The following RAI14 variants were observed in gnomAD, a reference collection of about 807,000 sequenced individuals.
RAI14 encodes ankycorbin.
RAI14 carries 45 observed loss-of-function variants against 115.4 expected under a neutral mutation model. The observed-to-expected ratio is 0.39, with a 90% CI of 0.31 to 0.50. The LOEUF (loss-of-function observed/expected upper bound fraction) is 0.50. RAI14 is among the 20% of genes least tolerant of loss of function. The pLI is 0.85. For synonymous variants in RAI14, 371 were observed against 415.4 expected, an observed-to-expected ratio of 0.89 and a Z score of 1.30; for missense variants, 939 against 1,131.2, an observed-to-expected ratio of 0.83 and a Z score of 2.44.
rs1314974022 is a variant in RAI14, at chr5:34,665,141, ACAC to A, written c.-49+8667_-49+8669del. Among the ~76,000 whole-genome samples the A allele has an allele frequency of 2.3e-3, 98 of 42,900 alleles. 36 individuals are homozygous for A. The highest frequency in any genetic ancestry group is 8.8e-3 in the South Asian group (4 of 452). The allele number at this position is 42,900 out of a possible 152,430, so 28.1% of individuals were successfully genotyped here. Reference sequence around the variant, plus strand: ...TGTATATATGTATGTGTATATATATACACATATATATGTGTGTGTATATATATA... The same window carrying A: ...TGTATATATGTATGTGTATATATATAATATATATGTGTGTGTATATATATA... On this transcript the variant is annotated intron_variant, in intron 1 of 17. Transcript: ENST00000265109.
chr5:34,681,413 G>A (rs1744369599), intron 1 of RAI14, among the ~76,000 whole-genome samples: 1 of 152,142 alleles, frequency 6.6e-6, no homozygotes. Flanking sequence ...ATGTCCTGAA[G>A]TCTATTTAGG....
intron 2 of RAI14, among the ~76,000 whole-genome samples, chr5:34,730,526 A>G (rs901305868): frequency 3.9e-5 from 6 of 152,016 alleles, no homozygotes; most frequent in African/African-American, 1.4e-4. Context: ...AAATACAACA[A>G]TTAGCCAGGC....
chr5:34,746,100 C>CCCCCCCCCG (rs1746171194), intron 2 of RAI14, among the ~76,000 whole-genome samples: 1 of 124,842 alleles, frequency 8.0e-6, no homozygotes, highest in Non-Finnish European at 1.7e-5. Flanking sequence ...CTCCCCCCCC[C>CCCCCCCCCG]GCCTTTTTTT....
chr5:34,794,149 A>C (rs1272359779), intron 3 of RAI14, among the ~76,000 whole-genome samples: 1 of 152,192 alleles, frequency 6.6e-6, no homozygotes, highest in Non-Finnish European at 1.5e-5. Flanking sequence ...ATGGCCAGGC[A>C]TGGTGGCTCA....
rs538342439 is a variant in RAI14 at position 34,773,089 on chromosome 5, TA to T, written c.167+15495del. On this transcript the variant is annotated intron_variant, in intron 3 of 17. Coordinates refer to ENST00000265109, the MANE Select transcript of RAI14 (RefSeq NM_015577.3). ...TTCCTTTATTTGTGGAACATATCCA[TA>T]AAATTGTTTTTATGGCTAAGTTTGT... Among the ~76,000 whole-genome samples the T allele has an allele frequency of 1.8e-3, 276 of 152,280 alleles. 1 individual carries two copies. Among genetic ancestry groups the T allele is most frequent in the African/African-American group, 6.0e-3 (249 of 41,544 alleles).
chr5:34,747,109 C>T (rs538873074), intron 2 of RAI14, among the ~76,000 whole-genome samples: 1 of 152,326 alleles, frequency 6.6e-6, no homozygotes, highest in South Asian at 2.1e-4. Flanking sequence ...TTATCAGCAG[C>T]GTGAAAACCA....
At chr5:34,717,505 G>GA (rs1554045222) in intron 2 of RAI14, among the ~76,000 whole-genome samples, 27 of 152,326 alleles carry the variant, frequency 1.8e-4, no homozygotes, top group African/African-American at 6.3e-4. Flanking sequence ...GGGCGGGGGG[G>GA]AATCCTTGTG....
intron 16 of RAI14, among the ~76,000 whole-genome samples, chr5:34,829,146 CATATAT>C (rs1757759519): frequency 1.4e-5 from 2 of 146,142 alleles, no homozygotes; most frequent in African/African-American, 5.2e-5. Context: ...TATATACACA[CATATAT>C]AGACACACAT....
intron 4 of RAI14, among the ~76,000 whole-genome samples, chr5:34,801,309 C>T (rs1431268420): frequency 6.6e-6 from 1 of 152,222 alleles, no homozygotes; most frequent in Non-Finnish European, 1.5e-5. Context: ...TAGAAGGAAT[C>T]GGATCATTTG....
chr5:34,697,506 G>A (rs1019400663), intron 2 of RAI14, among the ~76,000 whole-genome samples: 7 of 151,756 alleles, frequency 4.6e-5, no homozygotes, highest in Non-Finnish European at 8.8e-5. Context: ...GTGACATTAG[G>A]TAACCAGTCA....
intron 2 of RAI14, chr5:34,733,204 C>G (rs1744417636): frequency 6.6e-6 from 1 of 152,174 alleles, no homozygotes; most frequent in Non-Finnish European, 1.5e-5. Flanking sequence ...TATATATACA[C>G]CTGGAATTTA....
At chr5:34,672,390 G>A (rs148749379) in intron 1 of RAI14, among the ~76,000 whole-genome samples, 8 of 151,394 alleles carry the variant, frequency 5.3e-5, no homozygotes, top group East Asian at 1.9e-4. Context: ...TGTGGGGTGT[G>A]GGGGGGGAGC....
At chr5:34,674,097 T>C (rs946721172) in intron 1 of RAI14, among the ~76,000 whole-genome samples, 3 of 152,040 alleles carry the variant, frequency 2.0e-5, no homozygotes, top group Non-Finnish European at 4.4e-5. Context: ...ACCCCCTCTC[T>C]GTTGGACTGC....
chr5:34,800,893 A>C (rs2150225767), intron 4 of RAI14, among the ~76,000 whole-genome samples: 1 of 152,306 alleles, frequency 6.6e-6, no homozygotes, highest in South Asian at 2.1e-4. Context: ...CACGACATAA[A>C]CGGTCTCCAT....
chr5:34,716,212 A>G (rs976302590), intron 2 of RAI14: 5 of 347,656 alleles, frequency 1.4e-5, no homozygotes, highest in African/African-American at 2.2e-5. Flanking sequence ...ACATGCCTAC[A>G]TCTTTTGAGG....
At chr5:34,678,883 A>C (rs1744189430) in intron 1 of RAI14, among the ~76,000 whole-genome samples, 1 of 152,118 alleles carries the variant, frequency 6.6e-6, no homozygotes, top group South Asian at 2.1e-4. Flanking sequence ...AATCTACCCT[A>C]TTACACAGAA....
intron 2 of RAI14, among the ~76,000 whole-genome samples, chr5:34,732,584 G>A (rs1744340091): frequency 6.6e-6 from 1 of 151,420 alleles, no homozygotes; most frequent in Non-Finnish European, 1.5e-5. Context: ...GACTACAGGT[G>A]TATGCCACCA....
intron 2 of RAI14, among the ~76,000 whole-genome samples, chr5:34,689,069 T>C (rs1187410027): frequency 6.6e-6 from 1 of 152,176 alleles, no homozygotes; most frequent in Non-Finnish European, 1.5e-5. Flanking sequence ...GAGCCCATGT[T>C]TCCTGAAAGA....
chr5:34,808,737 TTAGAC>T (rs1755219044), intron 7 of RAI14, 83 bp downstream of exon 7: 1 of 1,306,028 alleles, frequency 7.7e-7, no homozygotes, highest in South Asian at 1.2e-5. Context: ...CACTGAGACT[TTAGAC>T]TAGCAGTCTC....
Sources: allele counts gnomAD v4.1 joint callset (sites outside exome capture counted in the v4.1 genomes callset), GRCh38; gene constraint gnomAD v4.1.1; transcripts MANE v1.5; gene names NCBI Gene and HGNC (gene_info 2026-07-23, HGNC 2026-07-21).